The following KLHL4 variants were observed in gnomAD, a reference collection of about 807,000 sequenced individuals.
KLHL4 encodes the protein kelch like family member 4, also known as kelch-like protein 4.
Under a neutral mutation model 45.8 loss-of-function variants are expected in KLHL4, and 17 were observed. That is an observed-to-expected ratio of 0.37 (90% confidence interval 0.25 to 0.56). KLHL4 has a LOEUF of 0.56. Among genes scored for constraint, KLHL4 ranks in the 20% least tolerant of loss-of-function variants. The pLI, the probability that KLHL4 is intolerant of heterozygous loss-of-function variation, is 0.79. For synonymous variants in KLHL4, 224 were observed against 189.9 expected, an observed-to-expected ratio of 1.18 and a Z score of -1.47; for missense variants, 544 against 544.9, an observed-to-expected ratio of 1.00 and a Z score of 0.02.
At chrX:87,594,493 A>G (rs1340359662) in intron 1 of KLHL4, among the ~76,000 whole-genome samples, 1 of 111,545 alleles carries the variant, frequency 9.0e-6, no homozygotes, top group East Asian at 2.8e-4. Flanking sequence ...TGCAGTGTGT[A>G]GTTTCACACT....
In KLHL4 at chrX:87,622,421, C is replaced by A. The variant is rs773273883; in HGVS notation, c.1135C>A (p.Gln379Lys). ...CATCAGACTGCCATTACTCCCACCA[C>A]AGGTATGGAAAATTACCTAGGTAAT... is the stretch of plus-strand genomic sequence containing the variant. The part of the protein sequence containing the change: ...SYIRLPLLPP[Q>K]LLADLETSSM... Residue 379 changes from glutamine (Q) to lysine (K), a missense_variant and splice_region_variant, in exon 5 of 11, where the codon CAG becomes AAG. Coordinates refer to ENST00000373119, the MANE Select transcript of KLHL4 (RefSeq NM_019117.5). 1.7e-6 allele frequency: 2 copies of A among 1,169,408 alleles called. No homozygotes were observed. Among genetic ancestry groups the A allele is most frequent in the African/African-American group, 3.5e-5 (2 of 56,758 alleles).
chrX:87,537,024 G>T (rs983539735), intron 1 of KLHL4, among the ~76,000 whole-genome samples: 4 of 111,257 alleles, frequency 3.6e-5, no homozygotes, highest in African/African-American at 6.5e-5. Flanking sequence ...AATATAAAAA[G>T]AATTGCTACT....
intron 1 of KLHL4, among the ~76,000 whole-genome samples, chrX:87,603,025 A>T (rs1922069344): frequency 9.0e-6 from 1 of 111,591 alleles, no homozygotes. Context: ...TAGTCAAGAC[A>T]GTGTCTGTAA....
intron 1 of KLHL4, among the ~76,000 whole-genome samples, chrX:87,565,396 CTGACCAAGTTAA>C (rs1932184881): frequency 9.0e-6 from 1 of 110,767 alleles, no homozygotes; most frequent in South Asian, 3.8e-4. Flanking sequence ...TTTAGCTAGC[CTGACCAAGTTAA>C]TATGAGAGGC....
chrX:87,547,239 G>T (rs948271760), intron 1 of KLHL4, among the ~76,000 whole-genome samples: 3 of 110,700 alleles, frequency 2.7e-5, no homozygotes, highest in African/African-American at 6.6e-5. Flanking sequence ...TTATGGGGTG[G>T]TTTTTTCCAT....
intron 1 of KLHL4, among the ~76,000 whole-genome samples, chrX:87,584,645 C>T (rs1327597140): frequency 9.1e-6 from 1 of 109,728 alleles, no homozygotes; most frequent in Admixed American, 9.8e-5. Flanking sequence ...TTGAAGACAG[C>T]TACTTGAAAA....
chrX:87,590,762 A>T (rs1416132433), intron 1 of KLHL4, among the ~76,000 whole-genome samples: 2 of 111,990 alleles, frequency 1.8e-5, no homozygotes, highest in East Asian at 2.8e-4. Context: ...GCAAAAAATG[A>T]TGCTGAAAAA....
Position 87,617,956 on chromosome X carries a change from C to A in KLHL4, c.752C>A (p.Thr251Asn), listed in dbSNP as rs1033359010. 1 of 1,209,077 alleles carries A rather than the reference C, an allele frequency of 8.3e-7. No homozygotes were observed. Among genetic ancestry groups the A allele is most frequent in the East Asian group, 3.0e-5 (1 of 33,816 alleles). ...GGAGTCCTGCAATTGAAAGAAGATA[C>A]CATTGAAAGTTTGCTGGCTGCAGCT... ...YTGVLQLKED[T>N]IESLLAAACL... The change falls in exon 4 of 11, where the codon ACC (threonine) becomes AAC (asparagine). Residue 251 changes from threonine (T) to asparagine (N), a missense_variant. Coordinates refer to ENST00000373119, the MANE Select transcript of KLHL4 (RefSeq NM_019117.5).
intron 1 of KLHL4, among the ~76,000 whole-genome samples, chrX:87,538,833 A>G (rs746048919): frequency 8.9e-6 from 1 of 111,776 alleles, no homozygotes; most frequent in South Asian, 3.7e-4. Context: ...GAGAAACAAT[A>G]TCACAGACCT....
Position 87,669,515 on chromosome X carries a change from A to G in KLHL4, c.*2981A>G. On this transcript the variant is annotated 3_prime_UTR_variant, in exon 11 of 11. Coordinates refer to ENST00000373119, the MANE Select transcript of KLHL4 (RefSeq NM_019117.5). Reference sequence around the variant, plus strand: ...GTTTCCTTCTGGAGTTCCAAATGCAATATAGAAAAAAAAACCCTGTGACTC... The same window carrying G: ...GTTTCCTTCTGGAGTTCCAAATGCAGTATAGAAAAAAAAACCCTGTGACTC... 3 of 872,584 alleles carry G rather than the reference A, an allele frequency of 3.4e-6. No homozygotes were observed. The highest frequency in any genetic ancestry group is 3.7e-5 in the South Asian group (1 of 27,218). 71.9% of individuals were successfully genotyped at this position (872,584 alleles called of 1,213,427 possible).
intron 1 of KLHL4, among the ~76,000 whole-genome samples, chrX:87,606,717 T>A (rs1922210775): frequency 9.0e-6 from 1 of 110,836 alleles, no homozygotes; most frequent in Non-Finnish European, 1.9e-5. Context: ...TAAAAAAAAG[T>A]CTTTCATCAA....
intron 8 of KLHL4, among the ~76,000 whole-genome samples, chrX:87,635,177 G>A (rs1406790922): frequency 9.0e-6 from 1 of 111,674 alleles, no homozygotes; most frequent in Non-Finnish European, 1.9e-5. Flanking sequence ...CTGCTCCTAG[G>A]TAGTTTAACC....
At chrX:87,598,860 A>G (rs1921921191) in intron 1 of KLHL4, among the ~76,000 whole-genome samples, 1 of 110,770 alleles carries the variant, frequency 9.0e-6, no homozygotes, top group Non-Finnish European at 1.9e-5. Flanking sequence ...AAAATGCTAG[A>G]TTTTTGTATA....
chrX:87,580,327 G>A (rs201175914), intron 1 of KLHL4, among the ~76,000 whole-genome samples: 10 of 96,380 alleles, frequency 1.0e-4, no homozygotes, highest in Non-Finnish European at 1.2e-4. Context: ...TTGCAAGACA[G>A]AAAAAAAAAA....
chrX:87,548,491 T>G (rs191613121), intron 1 of KLHL4, among the ~76,000 whole-genome samples: 1 of 111,761 alleles, frequency 8.9e-6, no homozygotes, highest in South Asian at 3.7e-4. Context: ...ACACTGTAAC[T>G]GTGTTGTGTA....
intron 9 of KLHL4, 51 bp from the exon 10 acceptor site, chrX:87,664,713 T>G (rs1317608049): frequency 1.1e-6 from 1 of 879,910 alleles, no homozygotes; most frequent in Non-Finnish European, 1.6e-6. Flanking sequence ...TTATTTTCAG[T>G]TGTAACTCTA....
At chrX:87,589,781 G>A (rs1032860815) in intron 1 of KLHL4, among the ~76,000 whole-genome samples, 7 of 111,024 alleles carry the variant, frequency 6.3e-5, no homozygotes, top group Non-Finnish European at 1.3e-4. Flanking sequence ...TGTAATCCCA[G>A]CACTTTGGGA....
intron 10 of KLHL4, among the ~76,000 whole-genome samples, chrX:87,665,327 T>A (rs1413185215): frequency 1.8e-5 from 2 of 111,987 alleles, no homozygotes; most frequent in African/African-American, 6.5e-5. Context: ...AAGGGCAGCA[T>A]CTTCTTCCGC....
At chrX:87,534,122 A>G (rs1345900104) in intron 1 of KLHL4, among the ~76,000 whole-genome samples, 2 of 111,664 alleles carry the variant, frequency 1.8e-5, no homozygotes, top group African/African-American at 6.5e-5. Flanking sequence ...AAAGGTTGTA[A>G]CAGAGTAGAA....
Sources: gnomAD v4.1 joint callset for allele counts (sites outside exome capture counted in the v4.1 genomes callset) on GRCh38, gnomAD v4.1.1 for gene constraint, MANE v1.5 for transcripts, NCBI Gene and HGNC (gene_info 2026-07-23, HGNC 2026-07-21) for gene names.